The following SOX5 variants were observed in gnomAD, a reference collection of about 807,000 sequenced individuals.
The protein encoded by SOX5 is transcription factor SOX-5.
SOX5 carries 9 observed loss-of-function variants against 92.0 expected under a neutral mutation model. That is an observed-to-expected ratio of 0.10 (90% CI 0.06 to 0.17). The LOEUF (loss-of-function observed/expected upper bound fraction) is 0.17. SOX5 is among the 10% of genes least tolerant of loss of function. The pLI, the probability that SOX5 is intolerant of heterozygous loss-of-function variation, is 1.00. For synonymous variants in SOX5, 344 were observed against 336.3 expected, an observed-to-expected ratio of 1.02 and a Z score of -0.25; for missense variants, 642 against 944.5, an observed-to-expected ratio of 0.68 and a Z score of 4.20.
At chr12:23,748,428 G>GA (rs962178012) in intron 4 of SOX5, among the ~76,000 whole-genome samples, 6 of 151,794 alleles carry the variant, frequency 4.0e-5, no homozygotes, top group South Asian at 2.1e-4. Context: ...GAAATAATAA[G>GA]AAAAAATACA....
At chr12:24,484,282 A>G (rs1213821622) in intron 1 of SOX5, among the ~76,000 whole-genome samples, 1 of 152,158 alleles carries the variant, frequency 6.6e-6, no homozygotes, top group Admixed American at 6.6e-5. Flanking sequence ...TTTTCTAAAG[A>G]CTTTCCCCTC....
intron 2 of SOX5, among the ~76,000 whole-genome samples, chr12:24,312,052 C>T (rs1949230690): frequency 6.6e-6 from 1 of 151,878 alleles, no homozygotes; most frequent in Non-Finnish European, 1.5e-5. Context: ...GAAATTAAGG[C>T]CTTTGGTTTA....
At chr12:23,827,437 A>G (rs1229811726) in intron 3 of SOX5, among the ~76,000 whole-genome samples, 1 of 152,242 alleles carries the variant, frequency 6.6e-6, no homozygotes, top group Non-Finnish European at 1.5e-5. Context: ...CCCTTTGCAG[A>G]ACTGTCAAAC....
intron 3 of SOX5, among the ~76,000 whole-genome samples, chr12:24,235,914 G>A (rs6487379): frequency 0.19 from 28,709 of 152,000 alleles, 3,169 homozygotes; most frequent in East Asian, 0.47. Context: ...AACAGGCTGG[G>A]TGTGGTGGCT....
At chr12:24,235,582 G>A (rs1964304193) in intron 3 of SOX5, among the ~76,000 whole-genome samples, 1 of 152,142 alleles carries the variant, frequency 6.6e-6, no homozygotes, top group Non-Finnish European at 1.5e-5. Flanking sequence ...AATTATCATA[G>A]CCAAATTCAT....
chr12:24,322,495 A>G (rs765203282), intron 2 of SOX5, among the ~76,000 whole-genome samples: 1 of 152,186 alleles, frequency 6.6e-6, no homozygotes, highest in Non-Finnish European at 1.5e-5. Flanking sequence ...ATGTGTGTGT[A>G]TGCACACGTA....
chr12:24,159,282 A>G (rs1952513267), intron 4 of SOX5, among the ~76,000 whole-genome samples: 1 of 151,972 alleles, frequency 6.6e-6, no homozygotes, highest in Non-Finnish European at 1.5e-5. Flanking sequence ...CAAGGCCAGA[A>G]GTTAAGTAAA....
At chr12:24,130,072 C>T (rs937905813) in intron 4 of SOX5, among the ~76,000 whole-genome samples, 5 of 151,860 alleles carry the variant, frequency 3.3e-5, no homozygotes. Context: ...ATTAATCGTG[C>T]TTGTCTCTAG....
chr12:24,399,083 T>C (rs1375498617), intron 1 of SOX5, among the ~76,000 whole-genome samples: 1 of 152,208 alleles, frequency 6.6e-6, no homozygotes, highest in Admixed American at 6.5e-5. Context: ...CCACGGTCTT[T>C]CCAATGCCAC....
At chr12:23,963,161 T>A (rs561587013) in intron 4 of SOX5, among the ~76,000 whole-genome samples, 47 of 152,300 alleles carry the variant, frequency 3.1e-4, no homozygotes, top group Admixed American at 6.5e-4. Context: ...CTTTAATGGA[T>A]GTATCTAAGT....
At chr12:24,277,479 AATAT>A (rs769453946) in intron 2 of SOX5, among the ~76,000 whole-genome samples, 13,911 of 82,828 alleles carry the variant, frequency 0.17, 941 homozygotes, top group Admixed American at 0.31. Context: ...TAAATATATA[AATAT>A]ATATGTAAAT....
intron 4 of SOX5, among the ~76,000 whole-genome samples, chr12:24,184,832 T>A (rs1387271210): frequency 3.9e-5 from 6 of 152,116 alleles, no homozygotes; most frequent in Non-Finnish European, 8.8e-5. Context: ...AAATCAGATT[T>A]TTGGCTCAAA....
At chr12:23,612,990 A>G (rs961557655) in intron 8 of SOX5, among the ~76,000 whole-genome samples, 1 of 152,112 alleles carries the variant, frequency 6.6e-6, no homozygotes, top group African/African-American at 2.4e-5. Flanking sequence ...TTTGCCCATT[A>G]TTTTTCATAA....
intron 2 of SOX5, among the ~76,000 whole-genome samples, chr12:23,881,333 C>CT (rs1269006611): frequency 6.6e-6 from 1 of 152,308 alleles, no homozygotes; most frequent in South Asian, 2.1e-4. Context: ...CTTTGGCCCC[C>CT]TCTTTTTCTC....
intron 6 of SOX5, among the ~76,000 whole-genome samples, chr12:23,695,154 G>A (rs1307914032): frequency 6.6e-6 from 1 of 151,434 alleles, no homozygotes; most frequent in Non-Finnish European, 1.5e-5. Context: ...ATACATTTGT[G>A]TGTGTATATT....
At chr12:24,335,223 C>G (rs1951756286) in intron 2 of SOX5, among the ~76,000 whole-genome samples, 1 of 152,012 alleles carries the variant, frequency 6.6e-6, no homozygotes, top group African/African-American at 2.4e-5. Flanking sequence ...TGAATGTTCA[C>G]AACATGCAGC....
At chr12:23,719,584 T>C (rs2092694160) in intron 6 of SOX5, among the ~76,000 whole-genome samples, 1 of 151,814 alleles carries the variant, frequency 6.6e-6, no homozygotes, top group African/African-American at 2.4e-5. Context: ...CCCCCATCTC[T>C]ACAAAACATA....
At chr12:23,548,766 G>A (rs1484418353) in intron 11 of SOX5, among the ~76,000 whole-genome samples, 3 of 151,976 alleles carry the variant, frequency 2.0e-5, no homozygotes, top group African/African-American at 7.2e-5. Flanking sequence ...CTATAAAGCT[G>A]ACACATAGTA....
At chr12:24,355,296 T>TAA (rs1954686969) in intron 2 of SOX5, among the ~76,000 whole-genome samples, 1 of 21,920 alleles carries the variant, frequency 4.6e-5, no homozygotes, top group Non-Finnish European at 1.3e-4. Flanking sequence ...TTTTTTTTTT[T>TAA]TTTTTTTTTT....
Sources: allele counts gnomAD v4.1 joint callset (sites outside exome capture counted in the v4.1 genomes callset), GRCh38; gene constraint gnomAD v4.1.1; transcripts MANE v1.5; gene names NCBI Gene and HGNC (gene_info 2026-07-23, HGNC 2026-07-21).